FER: variants seen among roughly 807,000 people sequenced by gnomAD.
The protein encoded by FER is tyrosine-protein kinase Fer.
In FER, 63 loss-of-function variants were observed where a neutral mutation model predicts 111.0. The observed-to-expected ratio is 0.57, with a 90% CI of 0.46 to 0.70. The LOEUF (loss-of-function observed/expected upper bound fraction) is 0.70, where lower values mean the gene tolerates loss of function less well. Ranked by LOEUF, FER falls within the 30% of genes least tolerant of loss-of-function variation. The pLI, the probability that FER is intolerant of heterozygous loss-of-function variation, is 0.00. For missense variants in FER, 914 were observed against 954.0 expected, an observed-to-expected ratio of 0.96 and a Z score of 0.55; for synonymous variants, 327 against 313.9, an observed-to-expected ratio of 1.04 and a Z score of -0.44.
intron 13 of FER, among the ~76,000 whole-genome samples, chr5:108,990,037 G>T (rs1762992673): frequency 6.6e-6 from 1 of 151,708 alleles, no homozygotes; most frequent in African/African-American, 2.4e-5. Context: ...AATTTCTAAA[G>T]AATTGATTAG....
chr5:109,183,031 A>G (rs1758443756), intron 18 of FER, among the ~76,000 whole-genome samples: 1 of 152,120 alleles, frequency 6.6e-6, no homozygotes, highest in Non-Finnish European at 1.5e-5. Flanking sequence ...ATCTAGAGTG[A>G]GGGACTTTTT....
chr5:108,810,115 C>T (rs1471253575), intron 3 of FER, among the ~76,000 whole-genome samples: 1 of 151,736 alleles, frequency 6.6e-6, no homozygotes, highest in Non-Finnish European at 1.5e-5. Flanking sequence ...TTTCTCTTTT[C>T]CTTTCCCCTC....
intron 10 of FER, among the ~76,000 whole-genome samples, chr5:108,923,879 A>G (rs1304066574): frequency 6.6e-6 from 1 of 152,168 alleles, no homozygotes; most frequent in Non-Finnish European, 1.5e-5. Flanking sequence ...TCAATAAAAA[A>G]TAAAAAAAAT....
At chr5:108,844,994 GTGTATATATATATATA>G (rs1761751704) in intron 5 of FER, among the ~76,000 whole-genome samples, 17 of 42,640 alleles carry the variant, frequency 4.0e-4, no homozygotes, top group African/African-American at 9.9e-4. Flanking sequence ...GTGTGTGTGT[GTGTATATATATATATA>G]TATATATATA....
intron 13 of FER, among the ~76,000 whole-genome samples, chr5:109,035,223 G>A (rs1561805939): frequency 6.6e-6 from 1 of 151,716 alleles, no homozygotes; most frequent in East Asian, 1.9e-4. Flanking sequence ...AGTAGAGATG[G>A]GGTTTCACCA....
At chr5:109,163,269 A>G (rs1468811147) in intron 17 of FER, among the ~76,000 whole-genome samples, 2 of 152,110 alleles carry the variant, frequency 1.3e-5, no homozygotes, top group Non-Finnish European at 2.9e-5. Context: ...AATATATTAC[A>G]GATTGTTTTC....
intron 5 of FER, among the ~76,000 whole-genome samples, chr5:108,855,355 G>C (rs954498595): frequency 6.6e-6 from 1 of 152,024 alleles, no homozygotes; most frequent in Non-Finnish European, 1.5e-5. Flanking sequence ...AAGACCGGCC[G>C]GGCGCGGTGG....
intron 1 of FER, among the ~76,000 whole-genome samples, chr5:108,762,553 A>G (rs1003901530): frequency 1.3e-5 from 2 of 152,176 alleles, no homozygotes; most frequent in African/African-American, 4.8e-5. Context: ...AGAATCTTTC[A>G]GGGGTTTCCC....
intron 13 of FER, among the ~76,000 whole-genome samples, chr5:108,983,735 G>T (rs907136774): frequency 6.6e-6 from 1 of 152,134 alleles, no homozygotes; most frequent in Non-Finnish European, 1.5e-5. Context: ...TCATAGAGGA[G>T]CAAGAGACAT....
At chr5:109,166,988 C>T (rs562022005) in intron 17 of FER, among the ~76,000 whole-genome samples, 7 of 152,206 alleles carry the variant, frequency 4.6e-5, no homozygotes, top group East Asian at 1.9e-4. Context: ...CAAAATGTTA[C>T]GGCTTCATTT....
chr5:109,146,050 T>TA (rs1479651149), intron 17 of FER, among the ~76,000 whole-genome samples: 1 of 150,902 alleles, frequency 6.6e-6, no homozygotes, highest in Non-Finnish European at 1.5e-5. Flanking sequence ...AGGCAACCAA[T>TA]AAAAAACTAT....
chr5:108,935,543 G>A (rs1229186003), intron 10 of FER, among the ~76,000 whole-genome samples: 1 of 152,080 alleles, frequency 6.6e-6, no homozygotes, highest in Non-Finnish European at 1.5e-5. Context: ...TCTGAGTGGG[G>A]TGCGGGGAGG....
At chr5:108,835,181 G>GCCCCCCCCCCCCC (rs1312154707) in intron 4 of FER, among the ~76,000 whole-genome samples, 1 of 56,308 alleles carries the variant, frequency 1.8e-5, no homozygotes, top group African/African-American at 1.2e-4. Flanking sequence ...CTTCGTTTGC[G>GCCCCCCCCCCCCC]CCACCCCCCC....
At chr5:108,929,079 AG>A (rs952216042) in intron 10 of FER, among the ~76,000 whole-genome samples, 3 of 152,144 alleles carry the variant, frequency 2.0e-5, no homozygotes, top group African/African-American at 7.2e-5. Flanking sequence ...AATAACCCTG[AG>A]GGGACTGGGA....
intron 1 of FER, among the ~76,000 whole-genome samples, chr5:108,751,548 TAAAC>T (rs1276465161): frequency 6.6e-6 from 1 of 152,220 alleles, no homozygotes; most frequent in Non-Finnish European, 1.5e-5. Flanking sequence ...GATTTATAAA[TAAAC>T]ATCTTTTGGA....
intron 17 of FER, among the ~76,000 whole-genome samples, chr5:109,123,176 G>C (rs1034121258): frequency 1.5e-5 from 1 of 68,334 alleles, no homozygotes; most frequent in African/African-American, 6.0e-5. Context: ...TTTTTTTTGA[G>C]ACGGAGTCTC....
intron 9 of FER, among the ~76,000 whole-genome samples, chr5:108,886,325 T>C (rs939799115): frequency 1.3e-5 from 2 of 151,106 alleles, no homozygotes; most frequent in Admixed American, 6.6e-5. Flanking sequence ...CCTTGAAGGG[T>C]AGTGGATATA....
At chr5:109,154,458 T>C (rs908959836) in intron 17 of FER, among the ~76,000 whole-genome samples, 3 of 151,878 alleles carry the variant, frequency 2.0e-5, no homozygotes, top group African/African-American at 7.2e-5. Context: ...AAAGAAACTT[T>C]TTTATAGAGA....
At chr5:109,076,763 C>T (rs927732952) in intron 16 of FER, among the ~76,000 whole-genome samples, 6 of 152,114 alleles carry the variant, frequency 3.9e-5, no homozygotes, top group Non-Finnish European at 5.9e-5. Flanking sequence ...AACTGGAAGT[C>T]TGGGTTAGGT....
Sources: allele counts gnomAD v4.1 joint callset (sites outside exome capture counted in the v4.1 genomes callset), GRCh38; gene constraint gnomAD v4.1.1; transcripts MANE v1.5; gene names NCBI Gene and HGNC (gene_info 2026-07-23, HGNC 2026-07-21).